Variants in ATAD1 observed in about 807,000 individuals in gnomAD.
ATAD1 encodes the protein ATPase family AAA domain containing 1, also known as outer mitochondrial transmembrane helix translocase.
Under a neutral mutation model 42.7 loss-of-function variants are expected in ATAD1, and 18 were observed. The ratio of observed to expected loss-of-function variants is 0.42; its 90% CI spans 0.29 to 0.63. The LOEUF (loss-of-function observed/expected upper bound fraction) is 0.63, where lower values mean the gene tolerates loss of function less well. Ranked by LOEUF, ATAD1 falls within the 20% of genes least tolerant of loss-of-function variation. The pLI, the probability that ATAD1 is intolerant of heterozygous loss-of-function variation, is 0.19. For missense variants in ATAD1, 294 were observed against 440.4 expected (o/e 0.67, Z 2.98); for synonymous variants, 132 against 143.1 (o/e 0.92, Z 0.55).
intron 1 of ATAD1, among the ~76,000 whole-genome samples, chr10:87,839,224 TGTTTGG>T (rs1857985537): frequency 6.6e-6 from 1 of 152,202 alleles, no homozygotes; most frequent in African/African-American, 2.4e-5. Flanking sequence ...ATTGCTTAAT[TGTTTGG>T]TCTTCAGTCA....
At chr10:87,811,262 G>A (rs1057317565) in intron 2 of ATAD1, among the ~76,000 whole-genome samples, 7 of 152,054 alleles carry the variant, frequency 4.6e-5, no homozygotes, top group Non-Finnish European at 1.0e-4. Flanking sequence ...GAACCCGGAA[G>A]AAGCAGGGTA....
intron 1 of ATAD1, 83 bp downstream of exon 1, chr10:87,818,084 T>C (rs1173205987): frequency 1.0e-6 from 1 of 985,448 alleles, no homozygotes; most frequent in Non-Finnish European, 1.2e-6. Context: ...CTCCGGGGGT[T>C]CCCAGGTCCG....
chr10:87,808,246 T>C (rs1047852931), intron 2 of ATAD1, among the ~76,000 whole-genome samples: 2 of 151,864 alleles, frequency 1.3e-5, no homozygotes, highest in African/African-American at 4.8e-5. Context: ...CCCACCTTTT[T>C]GACTTAGGCA....
chr10:87,766,684 G>A lies in ATAD1; in HGVS notation c.831+989C>T, dbSNP rs753122137. On this transcript the variant is annotated intron_variant, in intron 8 of 9. Coordinates refer to ENST00000680024, the MANE Select transcript of ATAD1 (RefSeq NM_001321967.2). ...AAATTAGCCGAGTGTGGTGGCACAC[G>A]CCTGTAATCCCAGCTACTCAGGAGG... is the stretch of plus-strand genomic sequence containing the variant. Among the ~76,000 whole-genome samples the A allele has an allele frequency of 2.6e-5, 4 of 151,962 alleles. No homozygotes were observed. In the South Asian group the frequency reaches 8.3e-4, roughly 32 times the overall value.
chr10:87,838,862 C>A (rs188501254), intron 1 of ATAD1, among the ~76,000 whole-genome samples: 1 of 152,198 alleles, frequency 6.6e-6, no homozygotes. Flanking sequence ...GACTTCCCAG[C>A]CTCTCAAACT....
At chr10:87,818,308 G>A (rs1448795860), upstream of ATAD1, 2 of 965,368 alleles carry the variant, frequency 2.1e-6, no homozygotes, top group Non-Finnish European at 2.5e-6. Flanking sequence ...CGCCGGCGCG[G>A]AGGGGGCGTG....
intron 1 of ATAD1, among the ~76,000 whole-genome samples, chr10:87,825,948 G>C (rs143153722): frequency 2.0e-3 from 303 of 152,308 alleles, no homozygotes; most frequent in African/African-American, 7.0e-3. Flanking sequence ...TTACTGAGCA[G>C]AAGAAATGAT....
At chr10:87,772,100 T>TG (rs1279999899) in intron 6 of ATAD1, among the ~76,000 whole-genome samples, 1 of 152,194 alleles carries the variant, frequency 6.6e-6, no homozygotes, top group Non-Finnish European at 1.5e-5. Context: ...TAAACACAAA[T>TG]TTGAAAAATG....
chr10:87,772,274 A>C lies in ATAD1; in HGVS notation c.691-1233T>G, dbSNP rs144457402. 3.5e-3 allele frequency among the ~76,000 whole-genome samples: 529 copies of C among 151,580 alleles called. 2 individuals carry two copies. The highest frequency in any genetic ancestry group is 5.9e-3 in the Non-Finnish European group (399 of 67,948). Reference sequence around the variant, plus strand: ...ACTACAGGCACATGCCACTGTGCCTAGCTGATTTTTCCGTCTTTAGTAGAG... The same window carrying C: ...ACTACAGGCACATGCCACTGTGCCTCGCTGATTTTTCCGTCTTTAGTAGAG... On this transcript the variant is annotated intron_variant, in intron 6 of 9. Coordinates refer to ENST00000680024, the MANE Select transcript of ATAD1 (RefSeq NM_001321967.2).
Position 87,752,666 on chromosome 10 carries a change from G to A in ATAD1, c.*2021C>T, listed in dbSNP as rs1854064002. 2 of 152,088 alleles carry A rather than the reference G, an allele frequency of 1.3e-5. No individual in the cohort carries two copies. Among genetic ancestry groups the A allele is most frequent in the African/African-American group, 4.8e-5 (2 of 41,410 alleles). 9.4% of individuals were successfully genotyped at this position (152,088 alleles called of 1,614,324 possible). On this transcript the variant is annotated 3_prime_UTR_variant, in exon 10 of 10. Transcript: ENST00000680024. ...GAATTCAACTATATGTGAAATGCAT[G>A]TCTAAAACAGAAGGATAGATGTTAC... is the stretch of plus-strand genomic sequence containing the variant.
At chr10:87,777,518 A>G (rs1337439845) in intron 5 of ATAD1, among the ~76,000 whole-genome samples, 2 of 152,112 alleles carry the variant, frequency 1.3e-5, no homozygotes, top group African/African-American at 4.8e-5. Context: ...TACAATGAAC[A>G]TGAAATGCTT....
intron 8 of ATAD1, 147 bp downstream of exon 8, chr10:87,767,526 G>A (rs1854815404): frequency 1.4e-6 from 1 of 736,130 alleles, no homozygotes; most frequent in Non-Finnish European, 2.3e-6. Context: ...GTTCCTAACA[G>A]GCCATAGACC....
At chr10:87,756,179 A>G (rs574601877) in intron 9 of ATAD1, among the ~76,000 whole-genome samples, 1 of 152,098 alleles carries the variant, frequency 6.6e-6, no homozygotes, top group African/African-American at 2.4e-5. Context: ...CTTTAACACA[A>G]CCCCTAAAAG....
intron 1 of ATAD1, among the ~76,000 whole-genome samples, chr10:87,827,493 C>T (rs1857751288): frequency 6.6e-6 from 1 of 152,176 alleles, no homozygotes; most frequent in Non-Finnish European, 1.5e-5. Context: ...AGCATGTACT[C>T]ACTTTGTGTC....
intron 2 of ATAD1, among the ~76,000 whole-genome samples, chr10:87,797,700 G>C (rs1856465050): frequency 6.6e-6 from 1 of 152,164 alleles, no homozygotes; most frequent in Non-Finnish European, 1.5e-5. Context: ...TGGTGAATGA[G>C]AGCTACAAGT....
intron 5 of ATAD1, 146 bp from the exon 6 acceptor site, chr10:87,776,573 A>T (rs1329565355): frequency 1.4e-5 from 8 of 589,448 alleles, no homozygotes; most frequent in African/African-American, 1.3e-4. Flanking sequence ...GGCTTAAGTG[A>T]TCCTCCTGCC....
rs539609408 is a variant in ATAD1, at chr10:87,788,932, T to A, written c.382+1378A>T. On this transcript the variant is annotated intron_variant, in intron 4 of 9. Transcript: ENST00000680024. ...CTGAGTGTTTTGTTAGGAAAAACTA[T>A]AAGCAGTGTTGTTATTTCAGAAAAC... Among the ~76,000 whole-genome samples, 2 of 152,282 alleles carry A rather than the reference T, an allele frequency of 1.3e-5. 1 individual carries two copies. Among genetic ancestry groups the A allele is most frequent in the South Asian group, 4.1e-4 (2 of 4,828 alleles).
At chr10:87,767,839 T>A in intron 7 of ATAD1, 116 bp from the exon 8 acceptor site, 1 of 983,250 alleles carries the variant, frequency 1.0e-6, no homozygotes, top group Non-Finnish European at 1.5e-6. Flanking sequence ...TATAAGGAGA[T>A]GACAGAAACT....
intron 8 of ATAD1, among the ~76,000 whole-genome samples, chr10:87,766,350 T>C (rs139612407): frequency 6.0e-4 from 91 of 152,300 alleles, no homozygotes; most frequent in Admixed American, 1.8e-3. Context: ...TCAATCCAAA[T>C]GTCCTTCAAT....
Sources: allele counts gnomAD v4.1 joint callset (sites outside exome capture counted in the v4.1 genomes callset), GRCh38; gene constraint gnomAD v4.1.1; transcripts MANE v1.5; gene names NCBI Gene and HGNC (gene_info 2026-07-23, HGNC 2026-07-21).